The following TMEM51 variants were observed in gnomAD, a reference collection of about 807,000 sequenced individuals.
TMEM51 encodes the protein chromosome 1 open reading frame 72.
Under a neutral mutation model 13.6 loss-of-function variants are expected in TMEM51, and 8 were observed. The observed-to-expected ratio is 0.59, with a 90% CI of 0.35 to 1.07. The LOEUF (loss-of-function observed/expected upper bound fraction) is 1.07, where lower values mean the gene tolerates loss of function less well. Ranked by LOEUF, TMEM51 falls within the 50% of genes least tolerant of loss-of-function variation. The pLI, the probability that TMEM51 is intolerant of heterozygous loss-of-function variation, is 0.02. For missense variants in TMEM51, 279 were observed against 330.7 expected, an observed-to-expected ratio of 0.84 and a Z score of 1.21; for synonymous variants, 147 against 144.4, an observed-to-expected ratio of 1.02 and a Z score of -0.13.
chr1:15,168,272 C>G (rs1348261079), intron 1 of TMEM51, among the ~76,000 whole-genome samples: 1 of 152,180 alleles, frequency 6.6e-6, no homozygotes, highest in African/African-American at 2.4e-5. Context: ...CATTCTCTGT[C>G]AAGTATTCTA....
At chr1:15,187,425 C>T (rs892542833) in intron 1 of TMEM51, among the ~76,000 whole-genome samples, 2 of 152,216 alleles carry the variant, frequency 1.3e-5, no homozygotes, top group African/African-American at 4.8e-5. Context: ...TCTCTTTGCC[C>T]ATCTTGGGCA....
At chr1:15,175,729 T>G (rs1181878848) in intron 1 of TMEM51, among the ~76,000 whole-genome samples, 2 of 152,144 alleles carry the variant, frequency 1.3e-5, no homozygotes, top group Non-Finnish European at 2.9e-5. Flanking sequence ...GAACTGCCAT[T>G]TATAAAACCA....
At chr1:15,181,486 T>G (rs2100234521) in intron 1 of TMEM51, among the ~76,000 whole-genome samples, 1 of 152,270 alleles carries the variant, frequency 6.6e-6, no homozygotes, top group East Asian at 1.9e-4. Flanking sequence ...GTCTTTTGGA[T>G]TCTCTCATTT....
rs1032547884 is a variant in TMEM51, at chr1:15,172,592, G to A, written c.-267+18638G>A. ...GGTTAGAATTCTGGTTCCACCACGT[G>A]CCAGCTTTGTGATCCTGAGCAAGTG... On this transcript the variant is annotated intron_variant, in intron 1 of 3. Coordinates refer to ENST00000376008, the MANE Select transcript of TMEM51 (RefSeq NM_001136218.2). 2.5e-4 allele frequency among the ~76,000 whole-genome samples: 38 copies of A among 152,150 alleles called. 1 individual carries two copies. Among genetic ancestry groups the A allele is most frequent in the Non-Finnish European group, 7.3e-5 (5 of 68,028 alleles).
At chr1:15,209,920 A>G in intron 1 of TMEM51, among the ~76,000 whole-genome samples, 1 of 152,122 alleles carries the variant, frequency 6.6e-6, no homozygotes, top group East Asian at 1.9e-4. Flanking sequence ...AGTCCCAGCT[A>G]CTTGGGAAGC....
upstream of TMEM51, among the ~76,000 whole-genome samples, chr1:15,153,409 G>C (rs563882708): frequency 6.8e-6 from 1 of 147,928 alleles, no homozygotes; most frequent in Non-Finnish European, 1.5e-5. Context: ...GCGCGTGCGC[G>C]CACACACGCA....
chr1:15,171,945 A>G (rs901263543), intron 1 of TMEM51, among the ~76,000 whole-genome samples: 6 of 152,192 alleles, frequency 3.9e-5, no homozygotes, highest in African/African-American at 1.2e-4. Context: ...AGAACTTAAT[A>G]AAAGCAGATT....
chr1:15,212,651 G>A (rs1043023926), intron 2 of TMEM51, among the ~76,000 whole-genome samples: 1 of 152,182 alleles, frequency 6.6e-6, no homozygotes, highest in African/African-American at 2.4e-5. Flanking sequence ...AAGGCTGCCA[G>A]AGCCCCCATC....
chr1:15,164,165 T>C (rs1306994668), intron 1 of TMEM51, among the ~76,000 whole-genome samples: 3 of 152,002 alleles, frequency 2.0e-5, no homozygotes, highest in East Asian at 1.9e-4. Flanking sequence ...ATTATACTTA[T>C]CAAAGCTAAG....
intron 1 of TMEM51, among the ~76,000 whole-genome samples, chr1:15,194,311 G>A (rs985306685): frequency 4.6e-5 from 7 of 152,324 alleles, no homozygotes; most frequent in Admixed American, 1.3e-4. Flanking sequence ...AAATGTTAGT[G>A]AGGTATTCTT....
intron 1 of TMEM51, among the ~76,000 whole-genome samples, chr1:15,172,962 G>T (rs763080735): frequency 2.6e-5 from 4 of 152,138 alleles, no homozygotes; most frequent in Admixed American, 1.3e-4. Flanking sequence ...GTTGTTTCAG[G>T]CATCCACTGG....
intron 1 of TMEM51, among the ~76,000 whole-genome samples, chr1:15,196,394 ATGTG>A (rs57848538): frequency 4.8e-4 from 72 of 151,276 alleles, no homozygotes; most frequent in Non-Finnish European, 4.4e-4. Context: ...GTGTGTGTGC[ATGTG>A]TGTGTGTGTG....
At position 15,215,195 on chromosome 1, in the gene TMEM51, C is replaced by T. The variant is rs760835470; in HGVS notation, c.108C>T (p.Gly36=). The T allele has an allele frequency of 3.7e-6, 6 of 1,614,226 alleles. No homozygotes were observed. In the Admixed American group the frequency reaches 1.0e-4, roughly 27 times the overall value. ...VIMAMWNLVP[G]FSAAEKPTAQ... is the part of the protein sequence containing the mutation. ...TGGCCATGTGGAACCTGGTACCCGG[C>T]TTCAGCGCGGCCGAGAAGCCAACAG... The change falls in exon 3 of 4, where the codon GGC becomes GGT. Residue 36 remains glycine, a synonymous_variant. Transcript: ENST00000376008.
chr1:15,155,336 A>C (rs1167527656), intron 1 of TMEM51, among the ~76,000 whole-genome samples: 3 of 152,228 alleles, frequency 2.0e-5, no homozygotes, highest in Non-Finnish European at 2.9e-5. Context: ...AAAGTGTTGC[A>C]GAATTGGCGA....
chr1:15,163,455 CCA>C (rs1168151453), intron 1 of TMEM51, among the ~76,000 whole-genome samples: 1 of 151,936 alleles, frequency 6.6e-6, no homozygotes, highest in African/African-American at 2.4e-5. Flanking sequence ...CTTTCCACCC[CCA>C]CCTACCTCGT....
rs951874135 is a variant in TMEM51 at position 15,161,487 on chromosome 1, AGAGT to A, written c.-267+7537_-267+7540del. Among the ~76,000 whole-genome samples the A allele has an allele frequency of 1.3e-5, 2 of 151,266 alleles. No individual in the cohort carries two copies. Among genetic ancestry groups the A allele is most frequent in the Non-Finnish European group, 2.9e-5 (2 of 67,904 alleles). ...GCCACTGAACTCCAGCCTGGGCAAC[AGAGT>A]GAGACTCATCTCAAAAAAACAAAAG... On this transcript the variant is annotated intron_variant, in intron 1 of 3. Coordinates refer to ENST00000376008, the MANE Select transcript of TMEM51 (RefSeq NM_001136218.2). The surrounding 1 kb of genome is among the most constrained non-coding windows in gnomAD (Gnocchi z 4.0).
intron 2 of TMEM51, among the ~76,000 whole-genome samples, chr1:15,213,790 T>C (rs922138983): frequency 2.6e-5 from 4 of 152,152 alleles, no homozygotes; most frequent in African/African-American, 9.7e-5. Flanking sequence ...GAGAAGCTTG[T>C]CTTGCTGGGT....
At chr1:15,199,155 G>T (rs755755359) in intron 1 of TMEM51, among the ~76,000 whole-genome samples, 2 of 148,266 alleles carry the variant, frequency 1.3e-5, no homozygotes, top group African/African-American at 5.0e-5. Flanking sequence ...TTTTGGAGAC[G>T]AAGTTTCACT....
chr1:15,173,945 A>G (rs1477573925), intron 1 of TMEM51, among the ~76,000 whole-genome samples: 1 of 152,234 alleles, frequency 6.6e-6, no homozygotes, highest in African/African-American at 2.4e-5. Context: ...CTGCTCTTCA[A>G]TGGGTTAAGG....
Sources: allele counts gnomAD v4.1 joint callset (sites outside exome capture counted in the v4.1 genomes callset), GRCh38; gene constraint gnomAD v4.1.1; non-coding constraint Gnocchi (gnomAD v3.1); transcripts MANE v1.5; gene names NCBI Gene and HGNC (gene_info 2026-07-23, HGNC 2026-07-21).